The following LRRTM4 variants were observed in gnomAD, a reference collection of about 807,000 sequenced individuals.
The protein encoded by LRRTM4 is leucine rich repeat transmembrane neuronal 4.
A neutral mutation model predicts 47.6 loss-of-function variants in LRRTM4; 25 were observed. That is an observed-to-expected ratio of 0.53 (90% CI 0.38 to 0.73). LRRTM4 has a LOEUF of 0.73. Among genes scored for constraint, LRRTM4 ranks in the 30% least tolerant of loss-of-function variants. LRRTM4 has a pLI of 0.00. For synonymous variants in LRRTM4, 311 were observed against 269.5 expected, an observed-to-expected ratio of 1.15 and a Z score of -1.51; for missense variants, 638 against 713.4, an observed-to-expected ratio of 0.89 and a Z score of 1.20.
Position 77,109,392 on chromosome 2 carries a change from C to T in LRRTM4, c.1552-360476G>A, listed in dbSNP as rs993156170. ...AATTAAAGTAGAAAGAGTTATTTCC[C>T]TTCTCCTAGATTCTGGATAGAAATA... On this transcript the variant is annotated intron_variant, in intron 3 of 3. Transcript: ENST00000409884. Among the ~76,000 whole-genome samples, 10 of 152,256 alleles carry T rather than the reference C, an allele frequency of 6.6e-5. No homozygotes were observed. The East Asian group carries it at 1.9e-3, about 29-fold the overall frequency.
intron 3 of LRRTM4, among the ~76,000 whole-genome samples, chr2:77,316,610 T>C (rs1677625748): frequency 6.6e-6 from 1 of 151,880 alleles, no homozygotes; most frequent in South Asian, 2.1e-4. Context: ...GTGCAGTGCG[T>C]ATCCCCAGCT....
chr2:76,776,764 T>G (rs377437740), intron 3 of LRRTM4, among the ~76,000 whole-genome samples: 15,284 of 140,560 alleles, frequency 0.11, 329 homozygotes, highest in Non-Finnish European at 0.16. Flanking sequence ...TTAGTTTAAT[T>G]AGATCCCATT....
At chr2:76,986,662 A>G (rs772112591) in intron 3 of LRRTM4, among the ~76,000 whole-genome samples, 8 of 151,918 alleles carry the variant, frequency 5.3e-5, no homozygotes, top group African/African-American at 9.7e-5. Context: ...GGCACATAGA[A>G]TAAGTTTGGT....
intron 3 of LRRTM4, among the ~76,000 whole-genome samples, chr2:77,251,166 T>G (rs201843791): frequency 2.0e-4 from 7 of 35,020 alleles, no homozygotes; most frequent in South Asian, 7.4e-4. Flanking sequence ...TATACATATA[T>G]ATGTGTGTGT....
chr2:76,755,108 T>A lies in LRRTM4; in HGVS notation c.1552-6192A>T, dbSNP rs373889411. Among the ~76,000 whole-genome samples the A allele has an allele frequency of 5.3e-5, 8 of 152,292 alleles. No individual in the cohort carries two copies. The East Asian group carries it at 7.7e-4, about 15-fold the overall frequency. On this transcript the variant is annotated intron_variant, in intron 3 of 3. Coordinates refer to ENST00000409884, the MANE Select transcript of LRRTM4 (RefSeq NM_001134745.3). Reference sequence around the variant, plus strand: ...TACCAAAAAGGACTATATCATGTGGTCCCTGGTACCACTTTCATTAATACA... The same window carrying A: ...TACCAAAAAGGACTATATCATGTGGACCCTGGTACCACTTTCATTAATACA...
chr2:76,853,951 C>G (rs1471658242), intron 3 of LRRTM4, among the ~76,000 whole-genome samples: 1 of 152,138 alleles, frequency 6.6e-6, no homozygotes, highest in East Asian at 1.9e-4. Context: ...TCATATGCCT[C>G]TGCCACTTCT....
chr2:77,226,538 C>CATATATATATAT (rs60188707), intron 3 of LRRTM4, among the ~76,000 whole-genome samples: 17 of 144,110 alleles, frequency 1.2e-4, no homozygotes, highest in East Asian at 1.0e-3. Context: ...AAATTATATA[C>CATATATATATAT]ATATATATAT....
chr2:77,183,031 C>T (rs1240995881), intron 3 of LRRTM4, among the ~76,000 whole-genome samples: 2 of 152,146 alleles, frequency 1.3e-5, no homozygotes, highest in African/African-American at 4.8e-5. Context: ...TGGGCAAGGA[C>T]TTCATGACTA....
chr2:77,457,379 A>C (rs1676603486), intron 3 of LRRTM4, among the ~76,000 whole-genome samples: 1 of 151,852 alleles, frequency 6.6e-6, no homozygotes, highest in African/African-American at 2.4e-5. Flanking sequence ...AATACTCTTC[A>C]AGACCTGGTA....
chr2:77,225,409 A>T (rs1483025951), intron 3 of LRRTM4, among the ~76,000 whole-genome samples: 2 of 144,578 alleles, frequency 1.4e-5, no homozygotes, highest in Non-Finnish European at 2.9e-5. Context: ...TATGCGGATG[A>T]ACACAAAATT....
chr2:77,329,025 C>A (rs144189934), intron 3 of LRRTM4, among the ~76,000 whole-genome samples: 2 of 152,126 alleles, frequency 1.3e-5, no homozygotes, highest in South Asian at 2.1e-4. Flanking sequence ...GGATTTCATG[C>A]GTCTTGTCCG....
At position 77,005,989 on chromosome 2, in the gene LRRTM4, T is replaced by A. The variant is rs182647012; in HGVS notation, c.1552-257073A>T. ...AGGATAGTTAAGGTTCATAATCACATAGCAAATAGAAGAGTCAGGATTTAA... is the reference window on the plus strand; with the variant it reads ...AGGATAGTTAAGGTTCATAATCACAAAGCAAATAGAAGAGTCAGGATTTAA... On this transcript the variant is annotated intron_variant, in intron 3 of 3. Transcript: ENST00000409884. Among the ~76,000 whole-genome samples, 300 of 152,284 alleles carry A rather than the reference T, an allele frequency of 2.0e-3. 1 individual carries two copies. The highest frequency in any genetic ancestry group is 3.4e-3 in the Non-Finnish European group (234 of 68,018).
At chr2:76,801,588 G>A (rs994088478) in intron 3 of LRRTM4, among the ~76,000 whole-genome samples, 7 of 151,746 alleles carry the variant, frequency 4.6e-5, no homozygotes, top group Admixed American at 1.3e-4. Context: ...TGGGTGCAGT[G>A]CACCAGCATG....
At chr2:77,375,592 T>C (rs573274564) in intron 3 of LRRTM4, among the ~76,000 whole-genome samples, 3 of 151,872 alleles carry the variant, frequency 2.0e-5, no homozygotes, top group South Asian at 4.1e-4. Flanking sequence ...CAACTTTTCA[T>C]TTCCTTTTTT....
At chr2:77,180,109 T>C (rs1673308856) in intron 3 of LRRTM4, among the ~76,000 whole-genome samples, 1 of 152,126 alleles carries the variant, frequency 6.6e-6, no homozygotes, top group African/African-American at 2.4e-5. Context: ...ATCAGAAAAC[T>C]TGTCAGAGGC....
chr2:77,450,680 G>A (rs1025413896), intron 3 of LRRTM4, among the ~76,000 whole-genome samples: 5 of 151,986 alleles, frequency 3.3e-5, no homozygotes, highest in Non-Finnish European at 5.9e-5. Flanking sequence ...ACTATATCTG[G>A]TTATATACTA....
chr2:77,109,895 G>A lies in LRRTM4; in HGVS notation c.1552-360979C>T, dbSNP rs189094118. On this transcript the variant is annotated intron_variant, in intron 3 of 3. Coordinates refer to ENST00000409884, the MANE Select transcript of LRRTM4 (RefSeq NM_001134745.3). ...TTATAGACAAATGTCTTAAAGAACA[G>A]AAGACAAATAAATTGAAAGACAGAT... Among the ~76,000 whole-genome samples the A allele has an allele frequency of 2.0e-4, 30 of 151,736 alleles. 1 individual carries two copies. The highest frequency in any genetic ancestry group is 9.8e-4 in the Admixed American group (15 of 15,254).
chr2:76,945,135 G>T (rs1675281020), intron 3 of LRRTM4, among the ~76,000 whole-genome samples: 1 of 152,068 alleles, frequency 6.6e-6, no homozygotes, highest in Non-Finnish European at 1.5e-5. Context: ...CAAAATATAA[G>T]TATGTAAAGG....
chr2:76,913,176 G>C (rs1166973666), intron 3 of LRRTM4, among the ~76,000 whole-genome samples: 1 of 151,922 alleles, frequency 6.6e-6, no homozygotes, highest in Middle Eastern at 3.2e-3. Flanking sequence ...CCATAATCTT[G>C]ACCCATTTGT....
Sources: allele counts gnomAD v4.1 joint callset (sites outside exome capture counted in the v4.1 genomes callset), GRCh38; gene constraint gnomAD v4.1.1; transcripts MANE v1.5; gene names NCBI Gene and HGNC (gene_info 2026-07-23, HGNC 2026-07-21).